Variants in VWA8 observed in about 807,000 individuals in gnomAD.
VWA8 encodes von Willebrand factor A domain-containing protein 8.
A neutral mutation model predicts 241.5 loss-of-function variants in VWA8; 221 were observed. The observed-to-expected ratio is 0.91, with a 90% CI of 0.82 to 1.02. The LOEUF is 1.02. Ranked by LOEUF, VWA8 falls within the 50% of genes least tolerant of loss-of-function variation. The pLI, the probability that VWA8 is intolerant of heterozygous loss-of-function variation, is 0.00. For missense variants in VWA8, 2,322 were observed against 2,328.7 expected (o/e 1.00, Z 0.06); for synonymous variants, 852 against 827.1 (o/e 1.03, Z -0.52).
intron 4 of VWA8, among the ~76,000 whole-genome samples, chr13:41,894,813 C>G (rs76574693): frequency 0.01 from 1,582 of 152,214 alleles, 30 homozygotes; most frequent in African/African-American, 0.037. Context: ...ATATGATACC[C>G]TGAGATGGGC....
At chr13:41,761,285 C>T (rs2137906715) in intron 20 of VWA8, 81 bp from the exon 21 acceptor site, 3 of 1,349,082 alleles carry the variant, frequency 2.2e-6, no homozygotes, top group Non-Finnish European at 3.1e-6. Context: ...GAATCTTTTA[C>T]CAAAACCTGC....
chr13:41,866,355 A>C (rs933524947), intron 10 of VWA8, among the ~76,000 whole-genome samples: 2 of 149,182 alleles, frequency 1.3e-5, no homozygotes, highest in Non-Finnish European at 3.0e-5. Context: ...TCCCAAAAAA[A>C]AAAATATATA....
chr13:41,635,511 T>C (rs889150450), intron 37 of VWA8, among the ~76,000 whole-genome samples: 1 of 152,240 alleles, frequency 6.6e-6, no homozygotes, highest in African/African-American at 2.4e-5. Flanking sequence ...CCTTGCCGGT[T>C]AGTCTGCACA....
intron 2 of VWA8, among the ~76,000 whole-genome samples, chr13:41,928,629 T>C (rs997878473): frequency 2.6e-5 from 4 of 152,032 alleles, no homozygotes; most frequent in African/African-American, 9.7e-5. Context: ...CAGCAATAGA[T>C]GCCTACATTA....
chr13:41,831,486 G>A (rs77859266), intron 13 of VWA8, among the ~76,000 whole-genome samples: 1 of 152,124 alleles, frequency 6.6e-6, no homozygotes, highest in African/African-American at 2.4e-5. Context: ...TAAAATGGAT[G>A]CTTATAGCTG....
intron 37 of VWA8, among the ~76,000 whole-genome samples, chr13:41,653,564 C>A (rs2044882229): frequency 6.6e-6 from 1 of 152,058 alleles, no homozygotes; most frequent in Admixed American, 6.6e-5. Context: ...AACTATTTTA[C>A]AATTCATATG....
intron 20 of VWA8, among the ~76,000 whole-genome samples, chr13:41,774,397 C>T (rs2137924793): frequency 6.6e-6 from 1 of 152,340 alleles, no homozygotes; most frequent in East Asian, 1.9e-4. Flanking sequence ...CTCACCTTGG[C>T]CTCCCAAAGT....
At chr13:41,883,259 G>T in intron 9 of VWA8, 128 bp downstream of exon 9, 1 of 661,394 alleles carries the variant, frequency 1.5e-6, no homozygotes, top group Non-Finnish European at 2.6e-6. Context: ...GAGGGGAAGG[G>T]AAAGGAAAGA....
intron 4 of VWA8, among the ~76,000 whole-genome samples, chr13:41,898,630 G>C (rs1259570556): frequency 1.3e-5 from 2 of 152,378 alleles, no homozygotes; most frequent in Non-Finnish European, 2.9e-5. Context: ...TGGAGCAGGG[G>C]GCGGCATTCG....
At chr13:41,814,772 A>T (rs1376494798) in intron 16 of VWA8, among the ~76,000 whole-genome samples, 2 of 152,178 alleles carry the variant, frequency 1.3e-5, no homozygotes, top group East Asian at 3.8e-4. Flanking sequence ...TATTGCCAAC[A>T]TTTGCAACTT....
Position 41,865,810 on chromosome 13 carries a change from A to G in VWA8, c.1351T>C (p.Cys451Arg). Reference sequence around the variant, plus strand: ...TTCTTAGCGATCACTGTTTTTCCACAACCCTACAAATGGAAAAAATTATTC... The same window carrying G: ...TTCTTAGCGATCACTGTTTTTCCACGACCCTACAAATGGAAAAAATTATTC... ...KDICLIGGKG[C>R]GKTVIAKNFA... is the part of the protein sequence containing the mutation. Residue 451 changes from cysteine (C) to arginine (R), a missense_variant, in exon 12 of 45, where the codon TGT becomes CGT. By Grantham distance (180) the Cys-to-Arg change is radical. Coordinates refer to ENST00000379310, the MANE Select transcript of VWA8 (RefSeq NM_015058.2). The G allele has an allele frequency of 6.2e-7, 1 of 1,614,174 alleles. No homozygotes were observed. The highest frequency in any genetic ancestry group is 8.5e-7 in the Non-Finnish European group (1 of 1,180,026).
intron 8 of VWA8, among the ~76,000 whole-genome samples, chr13:41,883,858 C>G (rs1432982788): frequency 6.6e-6 from 1 of 152,166 alleles, no homozygotes; most frequent in African/African-American, 2.4e-5. Flanking sequence ...CTACCTTATT[C>G]ATCCCAAAGT....
intron 17 of VWA8, among the ~76,000 whole-genome samples, chr13:41,795,736 C>T (rs1869664230): frequency 6.6e-6 from 1 of 152,096 alleles, no homozygotes. Context: ...TAAATGGGAG[C>T]TGAATGTTGA....
Position 41,806,209 on chromosome 13 carries a change from C to T in VWA8, c.2063+5016G>A, listed in dbSNP as rs1347270399. On this transcript the variant is annotated intron_variant, in intron 17 of 44. Transcript: ENST00000379310. ...CAAATGAAAATGGAAACACACCAAT[C>T]CTATAGGATATAGCGAAAACAGTAT... 3.3e-5 allele frequency among the ~76,000 whole-genome samples: 5 copies of T among 151,882 alleles called. No homozygotes were observed. The East Asian group carries it at 9.6e-4, about 29-fold the overall frequency.
intron 19 of VWA8, among the ~76,000 whole-genome samples, chr13:41,782,293 C>T (rs1268670629): frequency 1.3e-5 from 2 of 152,146 alleles, no homozygotes; most frequent in Non-Finnish European, 2.9e-5. Flanking sequence ...ATTCTTATAT[C>T]CTGTGAAGTC....
At chr13:41,589,335 A>G (rs2044439606) in intron 41 of VWA8, among the ~76,000 whole-genome samples, 1 of 152,174 alleles carries the variant, frequency 6.6e-6, no homozygotes, top group Admixed American at 6.5e-5. Context: ...TATGATGGAC[A>G]CTGATCTTTA....
At chr13:41,783,592 C>T (rs935265643) in intron 19 of VWA8, among the ~76,000 whole-genome samples, 3 of 149,284 alleles carry the variant, frequency 2.0e-5, no homozygotes, top group Middle Eastern at 3.5e-3. Context: ...GAGCCGAGAT[C>T]GTGCTACTGC....
At chr13:41,701,826 G>A (rs1021451457) in intron 27 of VWA8, among the ~76,000 whole-genome samples, 7 of 152,106 alleles carry the variant, frequency 4.6e-5, no homozygotes, top group Non-Finnish European at 1.0e-4. Context: ...TTCCTAAGGC[G>A]AGAGCCAGTT....
intron 35 of VWA8, among the ~76,000 whole-genome samples, chr13:41,677,533 T>G (rs998666369): frequency 6.6e-6 from 1 of 152,194 alleles, no homozygotes; most frequent in African/African-American, 2.4e-5. Context: ...GTGATGGAGA[T>G]GGCTTCAAAC....
Sources: gnomAD v4.1 joint callset for allele counts (sites outside exome capture counted in the v4.1 genomes callset) on GRCh38, gnomAD v4.1.1 for gene constraint, MANE v1.5 for transcripts, NCBI Gene and HGNC (gene_info 2026-07-23, HGNC 2026-07-21) for gene names.